Variants in ARMC7 observed in about 807,000 individuals in gnomAD.
The protein encoded by ARMC7 is armadillo repeat-containing protein 7.
Under a neutral mutation model 14.8 loss-of-function variants are expected in ARMC7, and 9 were observed. The observed-to-expected ratio is 0.61, with a 90% CI of 0.37 to 1.06. ARMC7 has a LOEUF of 1.06. Ranked by LOEUF, ARMC7 falls within the 50% of genes least tolerant of loss-of-function variation. ARMC7 has a pLI of 0.01. For synonymous variants in ARMC7, 125 were observed against 123.4 expected, an observed-to-expected ratio of 1.01 and a Z score of -0.09; for missense variants, 262 against 267.1, an observed-to-expected ratio of 0.98 and a Z score of 0.13.
At chr17:75,111,161 G>A (rs532866965) in intron 2 of ARMC7, among the ~76,000 whole-genome samples, 2 of 151,400 alleles carry the variant, frequency 1.3e-5, no homozygotes, top group South Asian at 4.2e-4. Context: ...TTTTGTAGCC[G>A]GGCGCGGTGG....
At chr17:75,112,319 C>T (rs1317994922) in intron 2 of ARMC7, among the ~76,000 whole-genome samples, 1 of 152,122 alleles carries the variant, frequency 6.6e-6, no homozygotes, top group Non-Finnish European at 1.5e-5. Flanking sequence ...CAGTGCCCAC[C>T]TGTAGTCCCA....
intron 2 of ARMC7, among the ~76,000 whole-genome samples, chr17:75,126,109 C>T (rs1192329745): frequency 6.6e-6 from 1 of 152,160 alleles, no homozygotes; most frequent in Non-Finnish European, 1.5e-5. Context: ...ACTCAGGACA[C>T]TGGGCATGTT....
chr17:75,129,148 C>A lies in ARMC7; in HGVS notation c.*110C>A, dbSNP rs1451087290. Reference sequence around the variant, plus strand: ...GCCCCATTGGTGCCTTTTCAGCCATCTGAAAGGCGGGTTCTTTCAGCAGGA... The same window carrying A: ...GCCCCATTGGTGCCTTTTCAGCCATATGAAAGGCGGGTTCTTTCAGCAGGA... On this transcript the variant is annotated 3_prime_UTR_variant, in exon 3 of 3. Coordinates refer to ENST00000245543, the MANE Select transcript of ARMC7 (RefSeq NM_024585.4). The A allele has an allele frequency of 2.1e-6, 3 of 1,414,782 alleles. No homozygotes were observed. The highest frequency in any genetic ancestry group is 2.8e-6 in the Non-Finnish European group (3 of 1,068,008). 87.6% of individuals were successfully genotyped at this position (1,414,782 alleles called of 1,614,324 possible).
At chr17:75,121,733 C>G (rs2074015263) in intron 2 of ARMC7, among the ~76,000 whole-genome samples, 1 of 151,990 alleles carries the variant, frequency 6.6e-6, no homozygotes, top group Admixed American at 6.6e-5. Context: ...TTTATTTTTG[C>G]TATTATGTTG....
chr17:75,126,608 G>A (rs1472051291), intron 2 of ARMC7, among the ~76,000 whole-genome samples: 4 of 150,226 alleles, frequency 2.7e-5, no homozygotes, highest in Admixed American at 2.6e-4. Flanking sequence ...TTGAGATGGA[G>A]TTTCACTCGT....
At chr17:75,116,966 T>C (rs1315946212) in intron 2 of ARMC7, among the ~76,000 whole-genome samples, 1 of 152,132 alleles carries the variant, frequency 6.6e-6, no homozygotes, top group Admixed American at 6.6e-5. Context: ...CTGCCTCCTC[T>C]CTGAGGGCTG....
intron 2 of ARMC7, among the ~76,000 whole-genome samples, chr17:75,117,421 G>A (rs1328563318): frequency 6.6e-6 from 1 of 152,178 alleles, no homozygotes; most frequent in East Asian, 1.9e-4. Flanking sequence ...GAAGAATCCG[G>A]CAGCTCATGC....
chr17:75,118,505 T>C (rs1375608077), intron 2 of ARMC7, among the ~76,000 whole-genome samples: 2 of 152,182 alleles, frequency 1.3e-5, no homozygotes, highest in African/African-American at 4.8e-5. Context: ...TGGCTTCCTC[T>C]CAGTTGCCCG....
Position 75,118,121 on chromosome 17 carries a change from T to A in ARMC7, c.235+7515T>A, listed in dbSNP as rs1211438454. On this transcript the variant is annotated intron_variant, in intron 2 of 2. Coordinates refer to ENST00000245543, the MANE Select transcript of ARMC7 (RefSeq NM_024585.4). ...GCATGGGCGACAAAGCAAGACTGTC[T>A]CAAAAAAAAAAAAAAAACAAAGTTA... Among the ~76,000 whole-genome samples, 18 of 110,932 alleles carry A rather than the reference T, an allele frequency of 1.6e-4. 1 individual carries two copies. The highest frequency in any genetic ancestry group is 1.1e-3 in the African/African-American group (18 of 16,360). The allele number at this position is 110,932 out of a possible 152,430, so 72.8% of individuals were successfully genotyped here. A position where few individuals can be genotyped will look rare whatever the true frequency, so the allele number is the denominator to read the frequency against.
intron 2 of ARMC7, among the ~76,000 whole-genome samples, chr17:75,112,452 G>A (rs1467490875): frequency 6.6e-6 from 1 of 152,040 alleles, no homozygotes; most frequent in Non-Finnish European, 1.5e-5. Context: ...TCACCTGGCT[G>A]AAGTCTTGTC....
At position 75,128,735 on chromosome 17, in the gene ARMC7, A is replaced by C. The variant is rs1040436516; in HGVS notation, c.294A>C (p.Gly98=). The C allele has an allele frequency of 6.2e-7, 1 of 1,613,564 alleles. No homozygotes were observed. Among genetic ancestry groups the C allele is most frequent in the South Asian group, 1.1e-5 (1 of 91,086 alleles). Residue 98 remains glycine, a synonymous_variant, in exon 3 of 3, where the codon GGA becomes GGC. Coordinates refer to ENST00000245543, the MANE Select transcript of ARMC7 (RefSeq NM_024585.4). ...ACAAGGAGCACATCCTGCACGCAGG[A>C]GGTGTCCCACTCATCATCAACTGCC... is the stretch of plus-strand genomic sequence containing the variant. ...RANKEHILHA[G]GVPLIINCLS... is the part of the protein sequence containing the mutation.
chr17:75,119,487 C>T lies in ARMC7; in HGVS notation c.235+8881C>T, dbSNP rs960849408. ...TTTTTGAGACGGAGTTTCGCTCTGT[C>T]GCCCAGGCTGGAGTGCAGTGGCGCG... On this transcript the variant is annotated intron_variant, in intron 2 of 2. Transcript: ENST00000245543. 2.4e-4 allele frequency among the ~76,000 whole-genome samples: 33 copies of T among 134,850 alleles called. No homozygotes were observed. The South Asian group carries it at 6.2e-3, about 25-fold the overall frequency. The allele number at this position is 134,850 out of a possible 152,430, so 88.5% of individuals were successfully genotyped here.
chr17:75,129,387 C>G lies in ARMC7; in HGVS notation c.*349C>G, dbSNP rs1190267893. On this transcript the variant is annotated 3_prime_UTR_variant, in exon 3 of 3. Transcript: ENST00000245543. The stretch of plus-strand genomic sequence containing the variant: ...GTGTTCTCAGGAGCTGGGCCTGAGG[C>G]TTAGGAGAGCTGCCTTCGCTGCAGG... 1 of 328,456 alleles carries G rather than the reference C, an allele frequency of 3.0e-6. No homozygotes were observed. Among genetic ancestry groups the G allele is most frequent in the East Asian group, 5.7e-5 (1 of 17,640 alleles). 20.3% of individuals were successfully genotyped at this position (328,456 alleles called of 1,614,324 possible).
chr17:75,112,141 G>A (rs964890830), intron 2 of ARMC7, among the ~76,000 whole-genome samples: 16 of 146,658 alleles, frequency 1.1e-4, no homozygotes, highest in Admixed American at 1.3e-4. Flanking sequence ...GGAGCCAGAC[G>A]GAAGGCTGAT....
intron 2 of ARMC7, among the ~76,000 whole-genome samples, chr17:75,125,017 A>G (rs1326756625): frequency 6.6e-6 from 1 of 152,194 alleles, no homozygotes; most frequent in East Asian, 1.9e-4. Context: ...TGGGACTGGC[A>G]AGGGAGGCTC....
chr17:75,114,024 C>T lies in ARMC7; in HGVS notation c.235+3418C>T, dbSNP rs561595439. The T allele has an allele frequency of 2.1e-4, 84 of 395,074 alleles. 1 individual carries two copies. Among genetic ancestry groups the T allele is most frequent in the African/African-American group, 1.6e-3 (79 of 48,654 alleles). 24.5% of individuals were successfully genotyped at this position (395,074 alleles called of 1,614,324 possible). A position where few individuals can be genotyped will look rare whatever the true frequency, so the allele number is the denominator to read the frequency against. ...AGGACCAGAGTGGGGCCTGCTAAAG[C>T]CAAGCCAGGGCAGGAGCCCCAGTTG... On this transcript the variant is annotated intron_variant, in intron 2 of 2. Coordinates refer to ENST00000245543, the MANE Select transcript of ARMC7 (RefSeq NM_024585.4).
At chr17:75,110,663 T>C (rs2073911457) in intron 2 of ARMC7, 57 bp downstream of exon 2, 1 of 1,600,548 alleles carries the variant, frequency 6.2e-7, no homozygotes, top group Non-Finnish European at 8.5e-7. Flanking sequence ...GATAAGTGAA[T>C]TAGAAGTGAG....
intron 2 of ARMC7, among the ~76,000 whole-genome samples, chr17:75,123,899 G>A (rs985680771): frequency 2.6e-5 from 4 of 152,192 alleles, no homozygotes; most frequent in Middle Eastern, 3.4e-3. Flanking sequence ...CGACAAGAGC[G>A]AGGCTCATAC....
intron 2 of ARMC7, among the ~76,000 whole-genome samples, chr17:75,111,260 C>G (rs1233204150): frequency 2.0e-5 from 3 of 151,868 alleles, no homozygotes; most frequent in African/African-American, 4.8e-5. Flanking sequence ...GCCTGGCCAA[C>G]ATGGTGAAAC....
Sources: gnomAD v4.1 joint callset for allele counts (sites outside exome capture counted in the v4.1 genomes callset) on GRCh38, gnomAD v4.1.1 for gene constraint, MANE v1.5 for transcripts, NCBI Gene and HGNC (gene_info 2026-07-23, HGNC 2026-07-21) for gene names.